The following ROBO1 variants were observed in gnomAD, a reference collection of about 807,000 sequenced individuals.
The protein encoded by ROBO1 is roundabout homolog 1.
ROBO1 carries 149 observed loss-of-function variants against 195.9 expected under a neutral mutation model. That is an observed-to-expected ratio of 0.76 (90% CI 0.67 to 0.87). The LOEUF (loss-of-function observed/expected upper bound fraction) is 0.87. ROBO1 is among the 40% of genes least tolerant of loss of function. The pLI is 0.00. For missense variants in ROBO1, 1,933 were observed against 2,068.3 expected (o/e 0.93, Z 1.27); for synonymous variants, 816 against 733.2 (o/e 1.11, Z -1.82).
chr3:78,646,397 T>A (rs1706294339), intron 20 of ROBO1, among the ~76,000 whole-genome samples: 1 of 150,310 alleles, frequency 6.7e-6, no homozygotes, highest in South Asian at 2.1e-4. Context: ...ATCATATATC[T>A]AATTATATAT....
intron 3 of ROBO1, among the ~76,000 whole-genome samples, chr3:79,070,902 CTT>C (rs2079077136): frequency 6.6e-6 from 1 of 151,568 alleles, no homozygotes; most frequent in Middle Eastern, 3.4e-3. Flanking sequence ...TTTATACTGA[CTT>C]TTAAAATTTT....
chr3:78,919,486 G>C (rs746381305), intron 4 of ROBO1, among the ~76,000 whole-genome samples: 2 of 152,188 alleles, frequency 1.3e-5, no homozygotes, highest in Non-Finnish European at 2.9e-5. Flanking sequence ...AATGGAAATA[G>C]TATGTGCTAA....
chr3:79,626,516 A>G (rs1249190977), intron 1 of ROBO1, among the ~76,000 whole-genome samples: 3 of 152,202 alleles, frequency 2.0e-5, no homozygotes, highest in Non-Finnish European at 2.9e-5. Context: ...AGTAAGAGCT[A>G]TTTATGACAA....
chr3:79,543,857 A>G (rs1292687227), intron 2 of ROBO1, among the ~76,000 whole-genome samples: 2 of 152,118 alleles, frequency 1.3e-5, no homozygotes, highest in Non-Finnish European at 2.9e-5. Flanking sequence ...ATGTGTATGC[A>G]AATGTGTGGT....
chr3:78,684,105 G>A (rs2107812790), intron 10 of ROBO1, among the ~76,000 whole-genome samples: 1 of 152,004 alleles, frequency 6.6e-6, no homozygotes, highest in East Asian at 1.9e-4. Context: ...GCCCAACAAT[G>A]GACATGTACA....
chr3:79,300,419 G>A (rs966933973), intron 2 of ROBO1, among the ~76,000 whole-genome samples: 2 of 152,232 alleles, frequency 1.3e-5, no homozygotes, highest in Non-Finnish European at 2.9e-5. Context: ...CACCGGCGCT[G>A]CGCTCGATTT....
intron 8 of ROBO1, among the ~76,000 whole-genome samples, chr3:78,711,446 TC>T (rs2108027091): frequency 9.7e-6 from 1 of 103,134 alleles, no homozygotes; most frequent in Non-Finnish European, 2.0e-5. Flanking sequence ...TTTCTTTCCT[TC>T]CTTCCTTCCT....
chr3:79,014,491 C>T (rs1275793032), intron 3 of ROBO1, among the ~76,000 whole-genome samples: 2 of 152,064 alleles, frequency 1.3e-5, no homozygotes, highest in African/African-American at 2.4e-5. Flanking sequence ...AAAAAGAAAT[C>T]CACTGTTTGG....
intron 3 of ROBO1, among the ~76,000 whole-genome samples, chr3:79,102,167 A>G (rs1459292327): frequency 1.3e-5 from 2 of 151,864 alleles, no homozygotes; most frequent in Admixed American, 1.3e-4. Context: ...CCTTTCATAT[A>G]ATAGCATACG....
chr3:78,851,599 A>T (rs1221336376), intron 4 of ROBO1, among the ~76,000 whole-genome samples: 1 of 152,226 alleles, frequency 6.6e-6, no homozygotes, highest in African/African-American at 2.4e-5. Context: ...AATATGGTTA[A>T]TAATTCTCAC....
chr3:79,687,896 T>C (rs1248234576), intron 1 of ROBO1, among the ~76,000 whole-genome samples: 1 of 152,156 alleles, frequency 6.6e-6, no homozygotes, highest in African/African-American at 2.4e-5. Context: ...TTATAAATCA[T>C]GCTGCTATAA....
intron 2 of ROBO1, among the ~76,000 whole-genome samples, chr3:79,163,824 A>G (rs2081015954): frequency 6.6e-6 from 1 of 152,136 alleles, no homozygotes; most frequent in Non-Finnish European, 1.5e-5. Context: ...TTATTTGTGT[A>G]CTTTAGACAG....
chr3:79,575,197 T>TATATATAACATATATAA lies in ROBO1; in HGVS notation c.88+14626_88+14627insTTATATATGTTATATAT, dbSNP rs1332605411. On this transcript the variant is annotated intron_variant, in intron 2 of 30. Coordinates refer to ENST00000464233, the MANE Select transcript of ROBO1 (RefSeq NM_002941.4). Reference sequence around the variant, plus strand: ...TAAATATATATAACATATATATAAATATATATATAACAGATATATATATAT... The same window carrying TATATATAACATATATAA: ...TAAATATATATAACATATATATAAATATATATAACATATATAAATATATATAACAGATATATATATAT... Among the ~76,000 whole-genome samples the TATATATAACATATATAA allele has an allele frequency of 1.0e-4, 5 of 47,736 alleles. 1 individual carries two copies. The South Asian group carries it at 2.5e-3, about 24-fold the overall frequency. 31.3% of individuals were successfully genotyped at this position (47,736 alleles called of 152,430 possible).
chr3:79,251,927 G>A lies in ROBO1; in HGVS notation c.89-126388C>T, dbSNP rs899603093. ...ATTGTGCCATTGCACTCTAGCCTGG[G>A]GAAGAGAGCAAGACTCAGTCTCAAA... On this transcript the variant is annotated intron_variant, in intron 2 of 30. Coordinates refer to ENST00000464233, the MANE Select transcript of ROBO1 (RefSeq NM_002941.4). Among the ~76,000 whole-genome samples the A allele has an allele frequency of 3.3e-5, 5 of 152,050 alleles. No individual in the cohort carries two copies. In the East Asian group the frequency reaches 7.8e-4, roughly 24 times the overall value.
chr3:79,400,938 A>G (rs2037347586), intron 2 of ROBO1, among the ~76,000 whole-genome samples: 1 of 152,000 alleles, frequency 6.6e-6, no homozygotes, highest in Middle Eastern at 3.5e-3. Context: ...TGATGTAAGG[A>G]GAGGAAACAG....
chr3:79,366,079 A>AC (rs907952786), intron 2 of ROBO1, among the ~76,000 whole-genome samples: 15 of 152,054 alleles, frequency 9.9e-5, no homozygotes, highest in African/African-American at 3.6e-4. Context: ...AGTCAGGCAG[A>AC]CCTGGAGTTC....
At chr3:79,272,204 T>C (rs1236994213) in intron 2 of ROBO1, among the ~76,000 whole-genome samples, 5 of 152,054 alleles carry the variant, frequency 3.3e-5, no homozygotes, top group Non-Finnish European at 5.9e-5. Context: ...ATTTATAATG[T>C]ATAAAGGTAA....
At position 78,670,289 on chromosome 3, in the gene ROBO1, C is replaced by T. The variant is rs377435779; in HGVS notation, c.1355G>A (p.Arg452Gln). 88 of 1,562,572 alleles carry T rather than the reference C, an allele frequency of 5.6e-5. No homozygotes were observed. In the East Asian group the frequency reaches 6.2e-4, roughly 11 times the overall value. The change falls in exon 11 of 31, where the codon CGG becomes CAG. Residue 452 changes from arginine (R) to glutamine (Q), a missense_variant. Arg to Gln is a conservative substitution (Grantham distance 43). Transcript: ENST00000464233. ...ACCTTGTCGAATAACTGGGGGAGGC[C>T]GATCTGCAATCACTGCCAGAAGAAA... ...YLEVTDVIAD[R>Q]PPPVIRQGPV... is the part of the protein sequence containing the mutation.
chr3:79,633,029 T>C (rs1007412657), intron 1 of ROBO1, among the ~76,000 whole-genome samples: 9 of 151,866 alleles, frequency 5.9e-5, no homozygotes, highest in Non-Finnish European at 1.3e-4. Flanking sequence ...AAAAGTTAAA[T>C]GCTATGAATC....
Sources: gnomAD v4.1 joint callset for allele counts (sites outside exome capture counted in the v4.1 genomes callset) on GRCh38, gnomAD v4.1.1 for gene constraint, MANE v1.5 for transcripts, NCBI Gene and HGNC (gene_info 2026-07-23, HGNC 2026-07-21) for gene names.